The following DOK5 variants were observed in gnomAD, a reference collection of about 807,000 sequenced individuals.
DOK5 encodes the protein docking protein 5, also known as downstream of tyrosine kinase 5.
Under a neutral mutation model 43.3 loss-of-function variants are expected in DOK5, and 27 were observed. That is an observed-to-expected ratio of 0.62 (90% confidence interval 0.46 to 0.86). The LOEUF (loss-of-function observed/expected upper bound fraction) is 0.86. DOK5 is among the 40% of genes least tolerant of loss of function. DOK5 has a pLI of 0.00. For synonymous variants in DOK5, 146 were observed against 140.1 expected (o/e 1.04, Z -0.30); for missense variants, 373 against 392.9 (o/e 0.95, Z 0.43).
chr20:54,627,974 C>T (rs1229202140), intron 6 of DOK5, among the ~76,000 whole-genome samples: 1 of 152,168 alleles, frequency 6.6e-6, no homozygotes, highest in Non-Finnish European at 1.5e-5. Context: ...TAGCATGCAC[C>T]TTGTGCTTCT....
chr20:54,495,156 T>C (rs1280030736), intron 1 of DOK5: 1 of 152,184 alleles, frequency 6.6e-6, no homozygotes, highest in Non-Finnish European at 1.5e-5. Flanking sequence ...ATACCTTAAC[T>C]GGTTCATTAC....
chr20:54,638,604 C>T (rs1160375936), intron 6 of DOK5, among the ~76,000 whole-genome samples: 1 of 152,094 alleles, frequency 6.6e-6, no homozygotes, highest in East Asian at 1.9e-4. Flanking sequence ...GTTTTTCTGA[C>T]ATAGGAAACA....
intron 1 of DOK5, among the ~76,000 whole-genome samples, chr20:54,552,785 G>A (rs576200097): frequency 6.6e-6 from 1 of 152,240 alleles, no homozygotes; most frequent in East Asian, 1.9e-4. Context: ...AAACTTCGGA[G>A]TAGAGTGGAT....
intron 1 of DOK5, among the ~76,000 whole-genome samples, chr20:54,497,012 A>G (rs1340256395): frequency 6.6e-6 from 1 of 152,126 alleles, no homozygotes; most frequent in African/African-American, 2.4e-5. Flanking sequence ...AGATCTTTCT[A>G]TACCATGGCT....
chr20:54,615,403 T>G (rs1012057017), intron 6 of DOK5, among the ~76,000 whole-genome samples: 2 of 152,132 alleles, frequency 1.3e-5, no homozygotes, highest in Admixed American at 6.5e-5. Context: ...GGCGACAGTA[T>G]CCTGGTCTAT....
rs182507255 is a variant in DOK5, at chr20:54,479,647, C to T, written c.66+3635C>T. The stretch of plus-strand genomic sequence containing the variant: ...GGGTTTATTTATCTACGCACAATCC[C>T]TCAGTTACTTGCCTTTAAGTGACAT... On this transcript the variant is annotated intron_variant, in intron 1 of 7. Transcript: ENST00000262593. Among the ~76,000 whole-genome samples, 252 of 152,274 alleles carry T rather than the reference C, an allele frequency of 1.7e-3. 2 individuals carry two copies. Among genetic ancestry groups the T allele is most frequent in the African/African-American group, 5.7e-3 (238 of 41,556 alleles).
chr20:54,522,466 T>C (rs890313042), intron 1 of DOK5, among the ~76,000 whole-genome samples: 1 of 151,900 alleles, frequency 6.6e-6, no homozygotes, highest in African/African-American at 2.4e-5. Context: ...TCCATGAGGG[T>C]CGGAGACAGA....
At chr20:54,539,001 G>C (rs1430952517) in intron 1 of DOK5, among the ~76,000 whole-genome samples, 1 of 152,066 alleles carries the variant, frequency 6.6e-6, no homozygotes, top group East Asian at 1.9e-4. Context: ...AGGAGAACAG[G>C]GCCGGGCACC....
intron 1 of DOK5, among the ~76,000 whole-genome samples, chr20:54,507,621 T>TGATG (rs1444335451): frequency 1.3e-5 from 2 of 152,172 alleles, no homozygotes; most frequent in African/African-American, 4.8e-5. Flanking sequence ...AGGTGTTGAA[T>TGATG]GATGAGGTGT....
At chr20:54,486,090 A>G (rs907721568) in intron 1 of DOK5, among the ~76,000 whole-genome samples, 5 of 152,106 alleles carry the variant, frequency 3.3e-5, no homozygotes, top group African/African-American at 1.2e-4. Context: ...TATCCTGAAG[A>G]TGTTTCAATT....
At chr20:54,481,532 C>T (rs1002370499) in intron 1 of DOK5, among the ~76,000 whole-genome samples, 5 of 152,062 alleles carry the variant, frequency 3.3e-5, no homozygotes, top group African/African-American at 1.2e-4. Flanking sequence ...CTTTTTCTCC[C>T]TAGACTTATT....
At chr20:54,506,302 CA>C (rs912303104) in intron 1 of DOK5, among the ~76,000 whole-genome samples, 3 of 152,080 alleles carry the variant, frequency 2.0e-5, no homozygotes, top group Non-Finnish European at 4.4e-5. Flanking sequence ...GAGTCAGAAT[CA>C]AAGATGTTAA....
At chr20:54,561,606 CT>C (rs1232685751) in intron 2 of DOK5, among the ~76,000 whole-genome samples, 1 of 152,194 alleles carries the variant, frequency 6.6e-6, no homozygotes, top group Non-Finnish European at 1.5e-5. Flanking sequence ...GACTACTTAC[CT>C]CTGGATTTGT....
chr20:54,537,210 A>G (rs1983988982), intron 1 of DOK5, among the ~76,000 whole-genome samples: 1 of 152,216 alleles, frequency 6.6e-6, no homozygotes, highest in Non-Finnish European at 1.5e-5. Flanking sequence ...CAGCAACAAG[A>G]AGGCATACTT....
intron 1 of DOK5, among the ~76,000 whole-genome samples, chr20:54,516,823 G>A (rs1291479384): frequency 6.6e-6 from 1 of 152,142 alleles, no homozygotes; most frequent in Non-Finnish European, 1.5e-5. Flanking sequence ...TTACAGTCTA[G>A]GGGGTAGACC....
intron 2 of DOK5, among the ~76,000 whole-genome samples, chr20:54,561,353 C>T (rs548819221): frequency 1.3e-5 from 2 of 152,294 alleles, no homozygotes; most frequent in East Asian, 1.9e-4. Flanking sequence ...AGTAAAGACC[C>T]CTGTGCAGAG....
intron 1 of DOK5, among the ~76,000 whole-genome samples, chr20:54,546,464 A>G (rs537399143): frequency 2.0e-5 from 3 of 152,160 alleles, no homozygotes; most frequent in Non-Finnish European, 2.9e-5. Flanking sequence ...TTTGTTACAT[A>G]TGTATACATG....
intron 1 of DOK5, among the ~76,000 whole-genome samples, chr20:54,553,763 T>A (rs927639181): frequency 2.6e-5 from 4 of 151,216 alleles, no homozygotes; most frequent in African/African-American, 9.7e-5. Context: ...TGGGCCTAGT[T>A]GTGCTTGCCT....
chr20:54,604,449 C>T (rs1189229710), intron 5 of DOK5, among the ~76,000 whole-genome samples: 1 of 151,884 alleles, frequency 6.6e-6, no homozygotes, highest in Non-Finnish European at 1.5e-5. Context: ...TTTTAATTGC[C>T]GCATCAGTAT....
Sources: allele counts gnomAD v4.1 joint callset (sites outside exome capture counted in the v4.1 genomes callset), GRCh38; gene constraint gnomAD v4.1.1; transcripts MANE v1.5; gene names NCBI Gene and HGNC (gene_info 2026-07-23, HGNC 2026-07-21).